The following GIMAP8 variants were observed in gnomAD, a reference collection of about 807,000 sequenced individuals.
GIMAP8 encodes the protein GTPase IMAP family member 8.
GIMAP8 carries 29 observed loss-of-function variants against 35.6 expected under a neutral mutation model. The ratio of observed to expected loss-of-function variants is 0.81; its 90% CI spans 0.61 to 1.11. The LOEUF is 1.11. GIMAP8 is among the 50% of genes most tolerant of loss of function. GIMAP8 has a pLI of 0.00. For missense variants in GIMAP8, 811 were observed against 805.0 expected, an observed-to-expected ratio of 1.01 and a Z score of -0.09; for synonymous variants, 335 against 308.7, an observed-to-expected ratio of 1.09 and a Z score of -0.89.
chr7:150,470,879 G>A lies in GIMAP8; in HGVS notation c.682+5G>A. ...AAGAGGGAGACAAGCCACAGGGTAA[G>A]TTGATCTTTAAGAAACATTAAGCTC... On this transcript the variant is annotated splice_donor_5th_base_variant and intron_variant, in intron 3 of 4. Transcript: ENST00000307271. 1 of 1,586,430 alleles carries A rather than the reference G, an allele frequency of 6.3e-7. No homozygotes were observed. Among genetic ancestry groups the A allele is most frequent in the South Asian group, 1.1e-5 (1 of 90,500 alleles).
intron 1 of GIMAP8, among the ~76,000 whole-genome samples, chr7:150,453,813 A>C (rs2116583027): frequency 6.6e-6 from 1 of 151,476 alleles, no homozygotes; most frequent in South Asian, 2.1e-4. Flanking sequence ...GGCGGGGGGC[A>C]CAGAGGAGTC....
chr7:150,471,556 G>C (rs752175959), intron 3 of GIMAP8, among the ~76,000 whole-genome samples: 2 of 152,184 alleles, frequency 1.3e-5, no homozygotes, highest in Non-Finnish European at 2.9e-5. Flanking sequence ...TATAGCTGAG[G>C]CCGGGTGCAG....
Position 150,477,168 on chromosome 7 carries a change from C to T in GIMAP8, c.1386C>T (p.Leu462=), listed in dbSNP as rs763552360. ...CCGGGAACTCTATCCTGGGGAGCCTCGTCTTCACCTCTCGGCTCCGGGCCC... is the reference window on the plus strand; with the variant it reads ...CCGGGAACTCTATCCTGGGGAGCCTTGTCTTCACCTCTCGGCTCCGGGCCC... The part of the protein sequence containing the change: ...SATGNSILGS[L]VFTSRLRAQP... The change falls in exon 5 of 5, where the codon CTC becomes CTT. Residue 462 remains leucine, a synonymous_variant. Transcript: ENST00000307271. The T allele has an allele frequency of 5.6e-6, 9 of 1,613,900 alleles. No homozygotes were observed. The African/African-American group carries it at 8.0e-5, about 14-fold the overall frequency.
intron 4 of GIMAP8, among the ~76,000 whole-genome samples, chr7:150,475,726 G>A (rs151249845): frequency 1.7e-4 from 26 of 152,240 alleles, no homozygotes; most frequent in African/African-American, 6.3e-4. Flanking sequence ...TCCTTTAGAA[G>A]TATAGATACA....
In GIMAP8 at chr7:150,477,568, CG is replaced by C. The variant is rs767963134; in HGVS notation, c.1788del (p.Arg597GlufsTer18). 2 of 1,614,106 alleles carry C rather than the reference CG, an allele frequency of 1.2e-6. No individual in the cohort carries two copies. The highest frequency in any genetic ancestry group is 2.2e-5 in the South Asian group (2 of 91,062). On this transcript the variant is annotated frameshift_variant, in exon 5 of 5. Coordinates refer to ENST00000307271, the MANE Select transcript of GIMAP8 (RefSeq NM_175571.4). LOFTEE classifies it low-confidence loss of function (END_TRUNC). Reference protein sequence around the residue: ...ALRRIFKKCGRRVCAFNNKET... With the variant: ...ALRRIFKKCGXRVCAFNNKET... ...TCGGCGCATTTTTAAAAAGTGTGGG[CG>C]GCGAGTTTGTGCTTTTAACAACAAA...
At chr7:150,471,302 G>C (rs947220209) in intron 3 of GIMAP8, among the ~76,000 whole-genome samples, 24 of 152,332 alleles carry the variant, frequency 1.6e-4, no homozygotes, top group African/African-American at 5.5e-4. Context: ...GATAGATCCT[G>C]CACATCTGCA....
At position 150,472,701 on chromosome 7, in the gene GIMAP8, T is replaced by C. The variant is rs1483944299; in HGVS notation, c.683-1311T>C. On this transcript the variant is annotated intron_variant, in intron 3 of 4. Coordinates refer to ENST00000307271, the MANE Select transcript of GIMAP8 (RefSeq NM_175571.4). The surrounding 1 kb of genome is among the most constrained non-coding windows in gnomAD (Gnocchi z 4.1). ...AAATACACATGGCAGCTGATTTGTATAGTTTTGCGGTGAGCAATTTAGGTG... is the reference window on the plus strand; with the variant it reads ...AAATACACATGGCAGCTGATTTGTACAGTTTTGCGGTGAGCAATTTAGGTG... Among the ~76,000 whole-genome samples the C allele has an allele frequency of 6.6e-6, 1 of 152,254 alleles. No individual in the cohort carries two copies. The highest frequency in any genetic ancestry group is 6.5e-5 in the Admixed American group (1 of 15,284).
chr7:150,470,784 G>A, intron 2 of GIMAP8, 45 bp from the exon 3 acceptor site: 1 of 473,134 alleles, frequency 2.1e-6, no homozygotes, highest in Non-Finnish European at 3.8e-6. Flanking sequence ...TGTGGAAGAT[G>A]AGGTTTTAGA....
In GIMAP8 at chr7:150,477,426, G is replaced by A; in HGVS notation, c.1644G>A (p.Leu548=). 1 of 1,613,882 alleles carries A rather than the reference G, an allele frequency of 6.2e-7. No homozygotes were observed. The highest frequency in any genetic ancestry group is 8.5e-7 in the Non-Finnish European group (1 of 1,179,738). ...AGGACAAAACAGCTGTGGCGAAACT[G>A]GAGGCCATCTTTGGAGCAGACTTTA... ...TEEDKTAVAK[L]EAIFGADFTK... Residue 548 remains leucine, a synonymous_variant, in exon 5 of 5, where the codon CTG becomes CTA. Coordinates refer to ENST00000307271, the MANE Select transcript of GIMAP8 (RefSeq NM_175571.4).
At chr7:150,466,427 C>A (rs1453938840) in intron 1 of GIMAP8, among the ~76,000 whole-genome samples, 4 of 137,816 alleles carry the variant, frequency 2.9e-5, no homozygotes, top group Non-Finnish European at 6.4e-5. Context: ...TCTTGTGGTT[C>A]CTAATGGTAA....
rs753707877 is a variant in GIMAP8 at position 150,470,842 on chromosome 7, A to G, written c.650A>G (p.Glu217Gly). 3 of 1,600,616 alleles carry G rather than the reference A, an allele frequency of 1.9e-6. No individual in the cohort carries two copies. In the Admixed American group the frequency reaches 5.1e-5, roughly 27 times the overall value. ...TTTATTTTCTAGGATTGTGTGAATG[A>G]AGCTGCATCTCAAGAGGGAGACAAG... The part of the protein sequence containing the change: ...EGSRFQDCVN[E>G]AASQEGDKPQ... Residue 217 changes from glutamate to glycine, a missense_variant, in exon 3 of 5, where the codon GAA becomes GGA. By Grantham distance (98) the Glu-to-Gly change is moderately conservative. Transcript: ENST00000307271.
At position 150,477,755 on chromosome 7, in the gene GIMAP8, A is replaced by G; in HGVS notation, c.1973A>G (p.Lys658Arg). 1 of 1,613,276 alleles carries G rather than the reference A, an allele frequency of 6.2e-7. No homozygotes were observed. Among genetic ancestry groups the G allele is most frequent in the Non-Finnish European group, 8.5e-7 (1 of 1,179,754 alleles). ...ATGTCCCAAGCCGAAAAACTCCTTA[A>G]AAATTTAATAGGTATTTTACAATAG... The part of the protein sequence containing the change: ...QEMSQAEKLL[K>R]NLIGILQ Residue 658 changes from lysine (K) to arginine (R), a missense_variant, in exon 5 of 5, where the codon AAA becomes AGA. Coordinates refer to ENST00000307271, the MANE Select transcript of GIMAP8 (RefSeq NM_175571.4).
chr7:150,462,598 G>A (rs1801864216), intron 1 of GIMAP8, among the ~76,000 whole-genome samples: 1 of 152,128 alleles, frequency 6.6e-6, no homozygotes, highest in Non-Finnish European at 1.5e-5. Context: ...CTGAAGGATA[G>A]TGTTGCTGTG....
chr7:150,456,372 C>G (rs1426959063), intron 1 of GIMAP8, among the ~76,000 whole-genome samples: 1 of 152,186 alleles, frequency 6.6e-6, no homozygotes, highest in African/African-American at 2.4e-5. Context: ...CTTCTAGAAG[C>G]CACCTTCATC....
chr7:150,452,709 T>TATATACATATACAC (rs1373884339), intron 1 of GIMAP8, among the ~76,000 whole-genome samples: 1 of 106,632 alleles, frequency 9.4e-6, no homozygotes, highest in Non-Finnish European at 1.9e-5. Flanking sequence ...TATATATATA[T>TATATACATATACAC]ACATGCGAGT....
intron 3 of GIMAP8, 94 bp from the exon 4 acceptor site, chr7:150,473,918 T>C: frequency 3.1e-6 from 4 of 1,308,166 alleles, no homozygotes; most frequent in South Asian, 2.9e-5. Flanking sequence ...TGCCATTCTC[T>C]ATACAAGTTT....
intron 1 of GIMAP8, among the ~76,000 whole-genome samples, chr7:150,462,196 G>A (rs1426105595): frequency 6.6e-6 from 1 of 152,204 alleles, no homozygotes; most frequent in Non-Finnish European, 1.5e-5. Flanking sequence ...AATCACAATG[G>A]TGGAATGTCA....
At position 150,477,960 on chromosome 7, in the gene GIMAP8, C is replaced by T. The variant is rs868719493; in HGVS notation, c.*180C>T. On this transcript the variant is annotated 3_prime_UTR_variant, in exon 5 of 5. Transcript: ENST00000307271. Reference sequence around the variant, plus strand: ...TAGATAAATAAATTGCAGGTGGGGGCGAATAGTAGGGTATTATAAAGGAGA... The same window carrying T: ...TAGATAAATAAATTGCAGGTGGGGGTGAATAGTAGGGTATTATAAAGGAGA... The T allele has an allele frequency of 1.4e-5, 8 of 581,820 alleles. 1 individual carries two copies. The Middle Eastern group carries it at 2.3e-3, about 164-fold the overall frequency. 36.0% of individuals were successfully genotyped at this position (581,820 alleles called of 1,614,324 possible). A position where few individuals can be genotyped will look rare whatever the true frequency, so the allele number is the denominator to read the frequency against.
At position 150,451,752 on chromosome 7, in the gene GIMAP8, G is replaced by A. The variant is rs116390153; in HGVS notation, c.-29+577G>A. On this transcript the variant is annotated intron_variant, in intron 1 of 4. Transcript: ENST00000307271. This position sits in a 1 kb window ranked among gnomAD's most constrained non-coding sequence, Gnocchi z 4.1. The stretch of plus-strand genomic sequence containing the variant: ...CACGTCTGCTTTTCTGATCTTTCCT[G>A]CCCCTTGCACAGTTAGGATTCTGTG... 2.0e-3 allele frequency among the ~76,000 whole-genome samples: 306 copies of A among 152,344 alleles called. No individual in the cohort carries two copies. The highest frequency in any genetic ancestry group is 7.0e-3 in the African/African-American group (289 of 41,580).
Sources: gnomAD v4.1 joint callset for allele counts (sites outside exome capture counted in the v4.1 genomes callset) on GRCh38, gnomAD v4.1.1 for gene constraint, Gnocchi (gnomAD v3.1) non-coding constraint, MANE v1.5 for transcripts, NCBI Gene and HGNC (gene_info 2026-07-23, HGNC 2026-07-21) for gene names.